The following PRKG1 variants were observed in gnomAD, a reference collection of about 807,000 sequenced individuals.
PRKG1 encodes the protein cGMP-dependent protein kinase 1.
PRKG1 carries 35 observed loss-of-function variants against 88.1 expected under a neutral mutation model. The ratio of observed to expected loss-of-function variants is 0.40; its 90% CI spans 0.30 to 0.53. PRKG1 has a LOEUF of 0.53. Ranked by LOEUF, PRKG1 falls within the 20% of genes least tolerant of loss-of-function variation. The pLI, the probability that PRKG1 is intolerant of heterozygous loss-of-function variation, is 0.59. For synonymous variants in PRKG1, 303 were observed against 292.5 expected, an observed-to-expected ratio of 1.04 and a Z score of -0.37; for missense variants, 540 against 839.8, an observed-to-expected ratio of 0.64 and a Z score of 4.41.
At chr10:51,555,819 A>G (rs1223899595) in intron 3 of PRKG1, among the ~76,000 whole-genome samples, 1 of 151,872 alleles carries the variant, frequency 6.6e-6, no homozygotes, top group Non-Finnish European at 1.5e-5. Context: ...CTGAGTGTCT[A>G]TTTCTTCATC....
At chr10:51,071,291 A>G (rs936212499), upstream of PRKG1, among the ~76,000 whole-genome samples, 18 of 152,250 alleles carry the variant, frequency 1.2e-4, no homozygotes, top group Non-Finnish European at 2.4e-4. Context: ...GCTGGTCAAA[A>G]GCATCATTGA....
At chr10:51,221,017 G>A (rs1287319301) in intron 2 of PRKG1, among the ~76,000 whole-genome samples, 1 of 151,904 alleles carries the variant, frequency 6.6e-6, no homozygotes, top group African/African-American at 2.4e-5. Flanking sequence ...ATTCAGCACT[G>A]GGTTATTGTT....
At chr10:51,761,728 T>C (rs1195816829) in intron 3 of PRKG1, among the ~76,000 whole-genome samples, 1 of 152,206 alleles carries the variant, frequency 6.6e-6, no homozygotes, top group African/African-American at 2.4e-5. Flanking sequence ...CCCTAAACAT[T>C]AAAGAAAAAT....
chr10:51,906,904 A>G (rs1169716666), intron 4 of PRKG1, among the ~76,000 whole-genome samples: 5 of 152,202 alleles, frequency 3.3e-5, no homozygotes, highest in African/African-American at 1.2e-4. Context: ...ATGTGATTCT[A>G]TACTAGAGTC....
chr10:51,059,535 T>G (rs1236898218), intron 1 of PRKG1, among the ~76,000 whole-genome samples: 1 of 152,152 alleles, frequency 6.6e-6, no homozygotes, highest in East Asian at 1.9e-4. Context: ...GTACTGAGAT[T>G]ATGCGCATGA....
intron 3 of PRKG1, among the ~76,000 whole-genome samples, chr10:51,533,074 G>A (rs1842056711): frequency 6.6e-6 from 1 of 152,110 alleles, no homozygotes; most frequent in Admixed American, 6.5e-5. Context: ...AGGCTTTCAT[G>A]TTCTCAAATG....
At chr10:51,950,287 G>A (rs1220940476) in intron 5 of PRKG1, among the ~76,000 whole-genome samples, 1 of 152,050 alleles carries the variant, frequency 6.6e-6, no homozygotes, top group East Asian at 1.9e-4. Context: ...ACAATTAAAA[G>A]CATATCTCTT....
intron 2 of PRKG1, among the ~76,000 whole-genome samples, chr10:51,279,863 G>T (rs985804624): frequency 1.3e-5 from 2 of 152,122 alleles, no homozygotes; most frequent in Admixed American, 6.5e-5. Context: ...GGAGCATTTA[G>T]CCCATTTACA....
At chr10:51,534,013 T>A (rs1291490949) in intron 3 of PRKG1, among the ~76,000 whole-genome samples, 2 of 152,154 alleles carry the variant, frequency 1.3e-5, no homozygotes, top group African/African-American at 4.8e-5. Context: ...TCGGATGATC[T>A]TCCATATAAT....
At chr10:51,556,021 A>T (rs954871278) in intron 3 of PRKG1, among the ~76,000 whole-genome samples, 1 of 152,162 alleles carries the variant, frequency 6.6e-6, no homozygotes, top group Admixed American at 6.6e-5. Context: ...AGAGGAAAGA[A>T]GGTAAGCTGT....
intron 3 of PRKG1, among the ~76,000 whole-genome samples, chr10:51,598,129 C>T (rs942668239): frequency 2.0e-5 from 3 of 152,082 alleles, no homozygotes; most frequent in African/African-American, 7.2e-5. Flanking sequence ...AGCATGGTAG[C>T]CTCCAAGGAT....
chr10:51,929,265 T>A (rs942497614), intron 5 of PRKG1, among the ~76,000 whole-genome samples: 10 of 151,906 alleles, frequency 6.6e-5, no homozygotes, highest in African/African-American at 2.4e-4. Context: ...AGTGGAAGAG[T>A]GTTAAAAGGA....
In PRKG1 at chr10:52,298,233, A is replaced by C. The variant is rs966264000; in HGVS notation, c.*4333A>C. 6.6e-6 allele frequency: 1 copy of C among 151,938 alleles called. No individual in the cohort carries two copies. Among genetic ancestry groups the C allele is most frequent in the African/African-American group, 2.4e-5 (1 of 41,370 alleles). 9.4% of individuals were successfully genotyped at this position (151,938 alleles called of 1,614,324 possible). A position where few individuals can be genotyped will look rare whatever the true frequency, so the allele number is the denominator to read the frequency against. Reference sequence around the variant, plus strand: ...ACTTGCACTCTTTTGATGTAGATTAAAAACTTTTTCATAAATTTACCTGCT... The same window carrying C: ...ACTTGCACTCTTTTGATGTAGATTACAAACTTTTTCATAAATTTACCTGCT... On this transcript the variant is annotated 3_prime_UTR_variant, in exon 18 of 18. Transcript: ENST00000373980.
chr10:51,351,649 T>C (rs374327749), intron 2 of PRKG1, among the ~76,000 whole-genome samples: 1 of 152,170 alleles, frequency 6.6e-6, no homozygotes, highest in African/African-American at 2.4e-5. Flanking sequence ...AGATTCCCTT[T>C]TTCAGATGGA....
At chr10:51,180,548 A>G (rs1265631751) in intron 2 of PRKG1, among the ~76,000 whole-genome samples, 3 of 152,214 alleles carry the variant, frequency 2.0e-5, no homozygotes, top group Non-Finnish European at 4.4e-5. Context: ...ATATTCTGTC[A>G]TATAATTGCA....
At chr10:51,971,948 T>C (rs1299995661) in intron 5 of PRKG1, among the ~76,000 whole-genome samples, 4 of 152,218 alleles carry the variant, frequency 2.6e-5, no homozygotes, top group African/African-American at 4.8e-5. Flanking sequence ...TAACGCATTT[T>C]ACCATTTTGC....
chr10:51,173,446 T>TG (rs1284927183), intron 2 of PRKG1, among the ~76,000 whole-genome samples: 17 of 149,286 alleles, frequency 1.1e-4, no homozygotes, highest in African/African-American at 2.2e-4. Flanking sequence ...GTGTGTGTGG[T>TG]GTGTGTAAAT....
At chr10:51,848,782 C>A (rs187174800) in intron 4 of PRKG1, among the ~76,000 whole-genome samples, 1 of 151,704 alleles carries the variant, frequency 6.6e-6, no homozygotes, top group Admixed American at 6.6e-5. Flanking sequence ...GCTGGGATTA[C>A]AGGTACAAGC....
At chr10:51,326,706 C>T (rs1841602232) in intron 2 of PRKG1, among the ~76,000 whole-genome samples, 3 of 152,224 alleles carry the variant, frequency 2.0e-5, no homozygotes, top group Admixed American at 1.3e-4. Flanking sequence ...CAAGCCTCAG[C>T]TCACTGACTG....
Sources: gnomAD v4.1 joint callset for allele counts (sites outside exome capture counted in the v4.1 genomes callset) on GRCh38, gnomAD v4.1.1 for gene constraint, MANE v1.5 for transcripts, NCBI Gene and HGNC (gene_info 2026-07-23, HGNC 2026-07-21) for gene names.